Variants in TM2D2 observed in about 807,000 individuals in gnomAD.
TM2D2 encodes the protein TM2 domain-containing protein 2.
In TM2D2, 19 loss-of-function variants were observed where a neutral mutation model predicts 23.0. The observed-to-expected ratio is 0.82, with a 90% confidence interval of 0.58 to 1.21. The LOEUF (loss-of-function observed/expected upper bound fraction) is 1.21. Among genes scored for constraint, TM2D2 ranks in the 50% most tolerant of loss-of-function variants. TM2D2 has a pLI of 0.00. For synonymous variants in TM2D2, 120 were observed against 108.8 expected (o/e 1.10, Z -0.64); for missense variants, 246 against 265.4 (o/e 0.93, Z 0.51).
At chr8:38,996,566 G>A (rs1835809814), upstream of TM2D2, 2 of 1,481,492 alleles carry the variant, frequency 1.3e-6, no homozygotes, top group Non-Finnish European at 1.8e-6. Flanking sequence ...AACAGCCAAT[G>A]GACGCGCAGC....
At chr8:38,991,607 T>C in intron 3 of TM2D2, 62 bp from the exon 4 acceptor site, 1 of 1,274,216 alleles carries the variant, frequency 7.8e-7, no homozygotes, top group Non-Finnish European at 1.1e-6. Context: ...CCTTAAGGAT[T>C]AGTGAATTTA....
chr8:38,996,458 G>T lies in TM2D2; in HGVS notation c.-19C>A. On this transcript the variant is annotated 5_prime_UTR_variant, in exon 1 of 4. Coordinates refer to ENST00000456397, the MANE Select transcript of TM2D2 (RefSeq NM_078473.3). Reference sequence around the variant, plus strand: ...GCACCATCTTCCCGGGCACAGGAGCGGAGACCCGGCCTCAACCACAACCCC... The same window carrying T: ...GCACCATCTTCCCGGGCACAGGAGCTGAGACCCGGCCTCAACCACAACCCC... 1.2e-6 allele frequency: 2 copies of T among 1,613,506 alleles called. No individual in the cohort carries two copies. Among genetic ancestry groups the T allele is most frequent in the African/African-American group, 2.7e-5 (2 of 75,058 alleles).
intron 1 of TM2D2, chr8:38,995,843 C>G (rs1835758594): frequency 1.7e-6 from 2 of 1,162,656 alleles, no homozygotes; most frequent in African/African-American, 1.6e-5. Context: ...GCCTTGTAGG[C>G]AGAGACAAGT....
In TM2D2 at chr8:38,988,927, T is replaced by C. The variant is rs1003225288; in HGVS notation, c.*2405A>G. ...TTAAACCTTCTCTATAGCCATAAAC[T>C]AGATATAACACACACATATACAAAT... On this transcript the variant is annotated 3_prime_UTR_variant, in exon 4 of 4. Transcript: ENST00000456397. 2 of 152,196 alleles carry C rather than the reference T, an allele frequency of 1.3e-5. No individual in the cohort carries two copies. Among genetic ancestry groups the C allele is most frequent in the African/African-American group, 4.8e-5 (2 of 41,468 alleles). The allele number at this position is 152,196 out of a possible 1,614,324, so 9.4% of individuals were successfully genotyped here. A position where few individuals can be genotyped will look rare whatever the true frequency, so the allele number is the denominator to read the frequency against.
Position 38,990,441 on chromosome 8 carries a change from G to A in TM2D2, c.*891C>T, listed in dbSNP as rs1835569118. The A allele has an allele frequency of 6.6e-6, 1 of 152,204 alleles. No homozygotes were observed. Among genetic ancestry groups the A allele is most frequent in the African/African-American group, 2.4e-5 (1 of 41,452 alleles). 9.4% of individuals were successfully genotyped at this position (152,204 alleles called of 1,614,324 possible). A position where few individuals can be genotyped will look rare whatever the true frequency, so the allele number is the denominator to read the frequency against. On this transcript the variant is annotated 3_prime_UTR_variant, in exon 4 of 4. Transcript: ENST00000456397. ...CATTTCCTTTTATTCCTGGTGACCG[G>A]GGAATGCAGAGGTGTGGCTGTTATC...
At chr8:38,991,585 G>T (rs200606749) in intron 3 of TM2D2, 40 bp from the exon 4 acceptor site, 4 of 1,478,106 alleles carry the variant, frequency 2.7e-6, no homozygotes, top group Admixed American at 1.7e-5. Context: ...TTTACTGCAC[G>T]AAAATTTAAA....
intron 2 of TM2D2, 198 bp downstream of exon 2, chr8:38,995,118 GCA>G (rs1835718340): frequency 2.1e-6 from 1 of 486,150 alleles, no homozygotes; most frequent in Non-Finnish European, 3.6e-6. Flanking sequence ...GGTGGTTTTA[GCA>G]CAGAGATTGC....
rs575921470 is a variant in TM2D2 at position 38,989,776 on chromosome 8, A to T, written c.*1556T>A. On this transcript the variant is annotated 3_prime_UTR_variant, in exon 4 of 4. Transcript: ENST00000456397. ...TATGTTTTTTAGACTTCCCTTAGAA[A>T]TTTTTTTAAAATATACATATGGCAT... The T allele has an allele frequency of 8.2e-4, 125 of 152,228 alleles. No homozygotes were observed. Among genetic ancestry groups the T allele is most frequent in the African/African-American group, 3.0e-3 (123 of 41,526 alleles). 9.4% of individuals were successfully genotyped at this position (152,228 alleles called of 1,614,324 possible).
Position 38,993,642 on chromosome 8 carries a change from T to C in TM2D2, c.334A>G (p.Ser112Gly). Residue 112 changes from serine (S) to glycine (G), a missense_variant, in exon 3 of 4, where the codon AGC (serine) becomes GGC (glycine). By Grantham distance (56) the Ser-to-Gly change is moderately conservative. Around this residue, in one of 2 missense-constraint regions of TM2D2, gnomAD observed 212 missense variants for 202.2 expected, o/e 1.05. Transcript: ENST00000456397. Reference sequence around the variant, plus strand: ...TGGACTGAAGTGTGTTCCACGTCGCTGTAGGCCTGACCGCCGAACTGTGGA... The same window carrying C: ...TGGACTGAAGTGTGTTCCACGTCGCCGTAGGCCTGACCGCCGAACTGTGGA... Reference protein sequence around the residue: ...GCLKFGGQAYSDVEHTSVQCH... With the variant: ...GCLKFGGQAYGDVEHTSVQCH... 1 of 1,613,630 alleles carries C rather than the reference T, an allele frequency of 6.2e-7. No individual in the cohort carries two copies. The highest frequency in any genetic ancestry group is 8.5e-7 in the Non-Finnish European group (1 of 1,179,608).
chr8:38,989,823 T>C lies in TM2D2; in HGVS notation c.*1509A>G, dbSNP rs1011967384. 3.9e-5 allele frequency: 6 copies of C among 152,184 alleles called. No homozygotes were observed. Among genetic ancestry groups the C allele is most frequent in the African/African-American group, 1.4e-4 (6 of 41,436 alleles). The allele number at this position is 152,184 out of a possible 1,614,324, so 9.4% of individuals were successfully genotyped here. On this transcript the variant is annotated 3_prime_UTR_variant, in exon 4 of 4. Transcript: ENST00000456397. ...GCATCCTTGAACTCCCTTAAACTCT[T>C]TTATTTGTATAAATTTATAGGGTAC...
chr8:38,992,336 G>A (rs1345679356), intron 3 of TM2D2, among the ~76,000 whole-genome samples: 22 of 134,462 alleles, frequency 1.6e-4, no homozygotes, highest in African/African-American at 6.1e-4. Flanking sequence ...AAAAAGGCCA[G>A]GTGTGGTGGA....
intron 1 of TM2D2, chr8:38,995,715 A>G: frequency 5.4e-6 from 7 of 1,305,734 alleles, no homozygotes; most frequent in Non-Finnish European, 6.8e-6. Flanking sequence ...ATTTAAGCCA[A>G]AGTATTCTCA....
rs1588308083 is a variant in TM2D2, at chr8:38,996,246, T to C, written c.194A>G (p.Asp65Gly). Residue 65 changes from aspartate to glycine, a missense_variant, in exon 1 of 4, where the codon GAC becomes GGC. Asp to Gly is a moderately conservative substitution (Grantham distance 94). Around this residue, in one of 2 missense-constraint regions of TM2D2, gnomAD observed 212 missense variants for 202.2 expected, o/e 1.05. Transcript: ENST00000456397. ...PGGAASWEYG[D>G]PHSPVILCSY... ...GCAGAGGATGACCGGAGAGTGGGGG[T>C]CGCCATATTCCCAGCTCGCAGCACC... The C allele has an allele frequency of 6.2e-7, 1 of 1,612,344 alleles. No individual in the cohort carries two copies. The highest frequency in any genetic ancestry group is 1.7e-5 in the Admixed American group (1 of 59,884).
At position 38,991,335 on chromosome 8, in the gene TM2D2, G is replaced by A. The variant is rs2129428548; in HGVS notation, c.642C>T (p.Tyr214=). Residue 214 remains tyrosine (Y), a synonymous_variant, in exon 4 of 4, where the codon TAC becomes TAT. Transcript: ENST00000456397. The part of the protein sequence containing the change: ...PSDGSNWCTV[Y] ...TGGGCCATGATGGCAGCTCTTCTTA[G>A]TAAACAGTGCACCAGTTGCTGCCAT... 2 of 1,613,546 alleles carry A rather than the reference G, an allele frequency of 1.2e-6. No individual in the cohort carries two copies. Among genetic ancestry groups the A allele is most frequent in the Non-Finnish European group, 8.5e-7 (1 of 1,179,582 alleles).
chr8:38,996,856 A>G (rs1422967183), upstream of TM2D2: 2 of 1,447,986 alleles, frequency 1.4e-6, no homozygotes, highest in Non-Finnish European at 1.8e-6. Context: ...ATTTTTCCCT[A>G]CGTCAGCGCA....
At position 38,990,445 on chromosome 8, in the gene TM2D2, ATGCAGAG is replaced by A. The variant is rs1835569334; in HGVS notation, c.*880_*886del. 6.6e-6 allele frequency: 1 copy of A among 152,248 alleles called. No individual in the cohort carries two copies. Among genetic ancestry groups the A allele is most frequent in the Non-Finnish European group, 1.5e-5 (1 of 68,040 alleles). 9.4% of individuals were successfully genotyped at this position (152,248 alleles called of 1,614,324 possible). A position where few individuals can be genotyped will look rare whatever the true frequency, so the allele number is the denominator to read the frequency against. On this transcript the variant is annotated 3_prime_UTR_variant, in exon 4 of 4. Coordinates refer to ENST00000456397, the MANE Select transcript of TM2D2 (RefSeq NM_078473.3). The stretch of plus-strand genomic sequence containing the variant: ...TCCTTTTATTCCTGGTGACCGGGGA[ATGCAGAG>A]GTGTGGCTGTTATCTCTTTCTGACT...
At chr8:38,996,660 C>G (rs1030806856), upstream of TM2D2, 3 of 1,428,690 alleles carry the variant, frequency 2.1e-6, no homozygotes, top group Non-Finnish European at 2.7e-6. Flanking sequence ...TTCTGCTTCT[C>G]GATTCCTCTT....
rs145686862 is a variant in TM2D2, at chr8:38,996,294, G to A, written c.146C>T (p.Ala49Val). 3,329 of 1,614,032 alleles carry A rather than the reference G, an allele frequency of 2.1e-3. 9 individuals are homozygous for A. The highest frequency in any genetic ancestry group is 2.2e-3 in the Non-Finnish European group (2,559 of 1,179,998). Residue 49 changes from alanine (A) to valine (V), a missense_variant, in exon 1 of 4, where the codon GCC becomes GTC. Ala to Val is a moderately conservative substitution (Grantham distance 64). This residue lies in a region of TM2D2 where 212 missense variants were observed against 202.2 expected (regional missense o/e 1.05). Coordinates refer to ENST00000456397, the MANE Select transcript of TM2D2 (RefSeq NM_078473.3). ...TAEPELTSAG[A>V]AQPEGPGGAA... Reference sequence around the variant, plus strand: ...ACCCCCGGGGCCCTCCGGCTGGGCGGCGCCAGCGGATGTGAGCTCAGGCTC... The same window carrying A: ...ACCCCCGGGGCCCTCCGGCTGGGCGACGCCAGCGGATGTGAGCTCAGGCTC...
upstream of TM2D2, chr8:38,996,766 G>A: frequency 7.0e-7 from 1 of 1,420,782 alleles, no homozygotes; most frequent in Non-Finnish European, 9.2e-7. Flanking sequence ...CCGACGGGGC[G>A]GGGCGGATAT....
Sources: allele counts gnomAD v4.1 joint callset (sites outside exome capture counted in the v4.1 genomes callset), GRCh38; gene constraint gnomAD v4.1.1; regional missense constraint gnomAD v4.1.1; transcripts MANE v1.5; gene names NCBI Gene and HGNC (gene_info 2026-07-23, HGNC 2026-07-21).